MELTF: variants seen among roughly 807,000 people sequenced by gnomAD.
MELTF encodes melanotransferrin.
A neutral mutation model predicts 83.7 loss-of-function variants in MELTF; 67 were observed. The observed-to-expected ratio is 0.80, with a 90% CI of 0.66 to 0.98. The LOEUF (loss-of-function observed/expected upper bound fraction) is 0.98. Among genes scored for constraint, MELTF ranks in the 50% least tolerant of loss-of-function variants. The pLI is 0.00. For missense variants in MELTF, 1,002 were observed against 1,035.6 expected (o/e 0.97, Z 0.44); for synonymous variants, 462 against 447.6 (o/e 1.03, Z -0.41).
rs529907321 is a variant in MELTF, at chr3:197,017,102, C to A, written c.900+1G>T. 5.6e-6 allele frequency: 9 copies of A among 1,611,084 alleles called. No homozygotes were observed. The East Asian group carries it at 8.9e-5, about 16-fold the overall frequency. On this transcript the variant is annotated splice_donor_variant, in intron 7 of 15. Transcript: ENST00000296350. LOFTEE classifies it high-confidence loss of function. ...AGGTGGTTGGGGGACCCTGAGCCCA[C>A]CTGGCCTTCGTTGAGCAGCCGGAAG...
Position 197,003,470 on chromosome 3 carries a change from G to T in MELTF, c.2138-19C>A, listed in dbSNP as rs1577922174. ...GGGGCCGCTGGGGACGAACGCGGCG[G>T]GTCAGGCCCCGAAGCCCGGGCCGCG... On this transcript the variant is annotated intron_variant, in intron 15 of 15. Transcript: ENST00000296350. The surrounding 1 kb of genome is among the most constrained non-coding windows in gnomAD (Gnocchi z 6.2). 14 of 1,040,340 alleles carry T rather than the reference G, an allele frequency of 1.3e-5. No homozygotes were observed. The highest frequency in any genetic ancestry group is 9.1e-5 in the South Asian group (2 of 22,048). 64.4% of individuals were successfully genotyped at this position (1,040,340 alleles called of 1,614,324 possible).
At chr3:197,010,591 G>T in intron 10 of MELTF, 107 bp downstream of exon 10, 1 of 935,948 alleles carries the variant, frequency 1.1e-6, no homozygotes, top group Non-Finnish European at 1.6e-6. Flanking sequence ...ACTATCCCCA[G>T]GAGAGAGGCA....
rs904288802 is a variant in MELTF, at chr3:197,006,991, T to C, written c.1751-255A>G. ...AGTACCTACTATGTGACAAGTACTT[T>C]ACACGCGTTGCTTGATCCCCACAAC... On this transcript the variant is annotated intron_variant, in intron 13 of 15. Coordinates refer to ENST00000296350, the MANE Select transcript of MELTF (RefSeq NM_005929.6). This position sits in a 1 kb window ranked among gnomAD's most constrained non-coding sequence, Gnocchi z 5.4. Among the ~76,000 whole-genome samples the C allele has an allele frequency of 3.3e-5, 5 of 152,310 alleles. No individual in the cohort carries two copies. Among genetic ancestry groups the C allele is most frequent in the African/African-American group, 1.2e-4 (5 of 41,568 alleles).
Position 197,007,202 on chromosome 3 carries a change from T to G in MELTF, c.1751-466A>C, listed in dbSNP as rs946948335. On this transcript the variant is annotated intron_variant, in intron 13 of 15. Transcript: ENST00000296350. This position sits in a 1 kb window ranked among gnomAD's most constrained non-coding sequence, Gnocchi z 4.3. ...TTCTCAAATGGAACAGGGTATAGCA[T>G]CACTTGTGGATGCAGAAGGCAGCTT... Among the ~76,000 whole-genome samples, 1 of 152,110 alleles carries G rather than the reference T, an allele frequency of 6.6e-6. No individual in the cohort carries two copies. The highest frequency in any genetic ancestry group is 1.5e-5 in the Non-Finnish European group (1 of 68,012).
Position 197,016,280 on chromosome 3 carries a change from C to T in MELTF, c.990G>A (p.Ser330=), listed in dbSNP as rs773111880. 2.0e-5 allele frequency: 32 copies of T among 1,613,086 alleles called. No individual in the cohort carries two copies. The highest frequency in any genetic ancestry group is 1.8e-4 in the Admixed American group (11 of 59,930). Residue 330 remains serine (S), a synonymous_variant, in exon 8 of 16, where the codon TCG becomes TCA. Coordinates refer to ENST00000296350, the MANE Select transcript of MELTF (RefSeq NM_005929.6). ...QKDLLFKDST[S]ELVPIATQTY... is the part of the protein sequence containing the mutation. ...TCTGTGTGGCGATGGGCACAAGCTC[C>T]GAGGTAGAGTCTTTGAAGAGTAGAT...
At chr3:197,017,840 G>A (rs548675769) in intron 6 of MELTF, among the ~76,000 whole-genome samples, 2 of 152,270 alleles carry the variant, frequency 1.3e-5, no homozygotes, top group Admixed American at 6.5e-5. Flanking sequence ...TCACGCCACT[G>A]CACTCCAGCC....
intron 7 of MELTF, among the ~76,000 whole-genome samples, 154 bp from the exon 8 acceptor site, chr3:197,016,523 CT>C (rs1719384808): frequency 1.3e-5 from 2 of 152,236 alleles, no homozygotes; most frequent in African/African-American, 4.8e-5. Context: ...GGCGCCTCCC[CT>C]GATCTGCGGC....
intron 6 of MELTF, 35 bp from the exon 7 acceptor site, chr3:197,017,325 G>A (rs758882581): frequency 7.6e-5 from 113 of 1,488,920 alleles, no homozygotes; most frequent in African/African-American, 4.1e-4. Flanking sequence ...AGCCAGCTCC[G>A]AAAGGGGTTG....
chr3:197,014,027 C>T (rs1464037784), intron 9 of MELTF, among the ~76,000 whole-genome samples: 2 of 152,204 alleles, frequency 1.3e-5, no homozygotes, highest in African/African-American at 4.8e-5. Flanking sequence ...AAAGGAAAGG[C>T]AATCAGCCTG....
In MELTF at chr3:197,017,291, C is replaced by A. The variant is rs1470449371; in HGVS notation, c.713-1G>T. On this transcript the variant is annotated splice_acceptor_variant, in intron 6 of 15. Coordinates refer to ENST00000296350, the MANE Select transcript of MELTF (RefSeq NM_005929.6). LOFTEE classifies it high-confidence loss of function. ...TGGCCCCAGGAGGGAAGCGTCTTCC[C>A]TGGGAAGCAGGAAGCCTGGGCTGAG... 6.5e-7 allele frequency: 1 copy of A among 1,536,720 alleles called. No homozygotes were observed. The highest frequency in any genetic ancestry group is 1.2e-5 in the South Asian group (1 of 81,062).
intron 9 of MELTF, among the ~76,000 whole-genome samples, chr3:197,012,274 G>A (rs532209009): frequency 1.3e-5 from 2 of 152,310 alleles, no homozygotes; most frequent in African/African-American, 4.8e-5. Context: ...GCACATCCCG[G>A]CTGGTGACTT....
At position 197,015,243 on chromosome 3, in the gene MELTF, T is replaced by G. The variant is rs983096116; in HGVS notation, c.1233+122A>C. ...GGTCGCTCCTCCCCACCCGTCTCTGTGGGCTTGTTGCAGTAGACACTCTCC... is the reference window on the plus strand; with the variant it reads ...GGTCGCTCCTCCCCACCCGTCTCTGGGGGCTTGTTGCAGTAGACACTCTCC... On this transcript the variant is annotated intron_variant, in intron 9 of 15. Transcript: ENST00000296350. The G allele has an allele frequency of 3.1e-5, 37 of 1,209,058 alleles. No individual in the cohort carries two copies. In the African/African-American group the frequency reaches 4.5e-4, roughly 15 times the overall value. 74.9% of individuals were successfully genotyped at this position (1,209,058 alleles called of 1,614,324 possible). A position where few individuals can be genotyped will look rare whatever the true frequency, so the allele number is the denominator to read the frequency against.
At chr3:197,026,951 TC>T in intron 2 of MELTF, 192 bp from the exon 3 acceptor site, 1 of 570,682 alleles carries the variant, frequency 1.8e-6, no homozygotes, top group East Asian at 2.8e-5. Flanking sequence ...CACCTTGTTT[TC>T]CTAATAATGT....
At chr3:197,005,886 C>T (rs1465922672) in intron 14 of MELTF, among the ~76,000 whole-genome samples, 2 of 152,202 alleles carry the variant, frequency 1.3e-5, no homozygotes, top group East Asian at 3.8e-4. Context: ...GACTTGTTAA[C>T]TCCAGAGCAG....
At chr3:197,020,311 G>A (rs976144070) in intron 6 of MELTF, among the ~76,000 whole-genome samples, 3 of 152,166 alleles carry the variant, frequency 2.0e-5, no homozygotes, top group Admixed American at 6.5e-5. Flanking sequence ...GAATTGGGAC[G>A]GTGAGTGAAT....
chr3:197,022,389 A>G lies in MELTF; in HGVS notation c.644+568T>C, dbSNP rs1365252912. 1.3e-5 allele frequency among the ~76,000 whole-genome samples: 2 copies of G among 152,182 alleles called. No homozygotes were observed. The highest frequency in any genetic ancestry group is 3.8e-4 in the East Asian group (2 of 5,204). On this transcript the variant is annotated intron_variant, in intron 5 of 15. Coordinates refer to ENST00000296350, the MANE Select transcript of MELTF (RefSeq NM_005929.6). The surrounding 1 kb of genome is among the most constrained non-coding windows in gnomAD (Gnocchi z 5.1). Reference sequence around the variant, plus strand: ...TCTCTCTAAGCCGAAAACCGCATCCAGTCAGATAACATCTGGAGTGTGGGG... The same window carrying G: ...TCTCTCTAAGCCGAAAACCGCATCCGGTCAGATAACATCTGGAGTGTGGGG...
In MELTF at chr3:197,011,226, G is replaced by A. The variant is rs551183448; in HGVS notation, c.1234-432C>T. ...TGCCTGTCTGTTAAATGCGTGTACA[G>A]ATGGAAGAATGACCGGATCTGAAAC... On this transcript the variant is annotated intron_variant, in intron 9 of 15. Coordinates refer to ENST00000296350, the MANE Select transcript of MELTF (RefSeq NM_005929.6). This position sits in a 1 kb window ranked among gnomAD's most constrained non-coding sequence, Gnocchi z 4.2. Among the ~76,000 whole-genome samples the A allele has an allele frequency of 4.5e-4, 68 of 152,348 alleles. No homozygotes were observed. Among genetic ancestry groups the A allele is most frequent in the Non-Finnish European group, 2.8e-4 (19 of 68,020 alleles).
rs1295142999 is a variant in MELTF at position 197,003,855 on chromosome 3, G to A, written c.2137+46C>T. 5.7e-6 allele frequency: 9 copies of A among 1,586,236 alleles called. No individual in the cohort carries two copies. The highest frequency in any genetic ancestry group is 7.7e-6 in the Non-Finnish European group (9 of 1,162,162). On this transcript the variant is annotated intron_variant, in intron 15 of 15. Coordinates refer to ENST00000296350, the MANE Select transcript of MELTF (RefSeq NM_005929.6). This position sits in a 1 kb window ranked among gnomAD's most constrained non-coding sequence, Gnocchi z 6.2. ...GCTCCCTCAGGGTTCTGGGGTGAAGGGGTCTGAATAGCACCAGGGGAGGCG... is the reference window on the plus strand; with the variant it reads ...GCTCCCTCAGGGTTCTGGGGTGAAGAGGTCTGAATAGCACCAGGGGAGGCG...
rs887636859 is a variant in MELTF at position 197,011,627 on chromosome 3, G to A, written c.1234-833C>T. 4.6e-5 allele frequency among the ~76,000 whole-genome samples: 7 copies of A among 152,232 alleles called. No homozygotes were observed. Among genetic ancestry groups the A allele is most frequent in the Non-Finnish European group, 5.9e-5 (4 of 67,994 alleles). On this transcript the variant is annotated intron_variant, in intron 9 of 15. Coordinates refer to ENST00000296350, the MANE Select transcript of MELTF (RefSeq NM_005929.6). The surrounding 1 kb of genome is among the most constrained non-coding windows in gnomAD (Gnocchi z 4.2). ...TTGGGGCCAGGAGGGTGCACAGCTC[G>A]GGGCCCTTTTTCCACCACTCAGACC...
Sources: gnomAD v4.1 joint callset for allele counts (sites outside exome capture counted in the v4.1 genomes callset) on GRCh38, gnomAD v4.1.1 for gene constraint, Gnocchi (gnomAD v3.1) non-coding constraint, MANE v1.5 for transcripts, NCBI Gene and HGNC (gene_info 2026-07-23, HGNC 2026-07-21) for gene names.